Variants in NCAM1 observed in about 807,000 individuals in gnomAD.
NCAM1 encodes the protein antigen recognized by monoclonal antibody 5.1H11.
NCAM1 carries 14 observed loss-of-function variants against 109.8 expected under a neutral mutation model. The observed-to-expected ratio is 0.13, with a 90% confidence interval of 0.08 to 0.20. NCAM1 has a LOEUF of 0.20. Among genes scored for constraint, NCAM1 ranks in the 10% least tolerant of loss-of-function variants. The probability of loss-of-function intolerance (pLI) is 1.00; values close to 1 mark genes in which losing one functional copy is unlikely to be tolerated. For missense variants in NCAM1, 774 were observed against 1,109.9 expected (o/e 0.70, Z 4.30); for synonymous variants, 418 against 442.9 (o/e 0.94, Z 0.70).
intron 1 of NCAM1, among the ~76,000 whole-genome samples, chr11:113,051,561 CT>C (rs1460755022): frequency 6.6e-6 from 1 of 152,070 alleles, no homozygotes; most frequent in African/African-American, 2.4e-5. Context: ...ATTTTGGTGT[CT>C]ATCCTTCACG....
rs1184282381 is a variant in NCAM1 at position 113,270,228 on chromosome 11, C to T, written c.2172C>T (p.Ile724=). The T allele has an allele frequency of 5.6e-6, 9 of 1,613,924 alleles. No individual in the cohort carries two copies. The highest frequency in any genetic ancestry group is 2.7e-5 in the African/African-American group (2 of 74,938). ...CCTCAGGCCTGAGCACCGGGGCCAT[C>T]GTGGGCATCCTCATCGTCATCTTCG... is the stretch of plus-strand genomic sequence containing the variant. The part of the protein sequence containing the change: ...SPTSGLSTGA[I]VGILIVIFVL... The change falls in exon 18 of 20, where the codon ATC becomes ATT. Residue 724 remains isoleucine, a synonymous_variant. Transcript: ENST00000316851.
At chr11:113,204,044 A>G (rs552903774) in intron 2 of NCAM1, among the ~76,000 whole-genome samples, 2 of 152,348 alleles carry the variant, frequency 1.3e-5, no homozygotes, top group African/African-American at 4.8e-5. Flanking sequence ...GATAACAACT[A>G]GTACAAGTGG....
intron 1 of NCAM1, among the ~76,000 whole-genome samples, chr11:113,022,268 T>C (rs1182511894): frequency 6.6e-6 from 1 of 152,232 alleles, no homozygotes; most frequent in African/African-American, 2.4e-5. Context: ...TTCTCAGAGA[T>C]AAATGTTTTG....
At chr11:112,965,226 T>C (rs1279851666) in intron 1 of NCAM1, among the ~76,000 whole-genome samples, 1 of 151,574 alleles carries the variant, frequency 6.6e-6, no homozygotes, top group Non-Finnish European at 1.5e-5. Flanking sequence ...AGTTCAAGAA[T>C]TAAGATAGTA....
chr11:113,180,326 A>G (rs1555107747), intron 1 of NCAM1, among the ~76,000 whole-genome samples: 2 of 152,222 alleles, frequency 1.3e-5, no homozygotes, highest in African/African-American at 2.4e-5. Flanking sequence ...TTAGCGCTAC[A>G]GGGGTATTGA....
intron 1 of NCAM1, among the ~76,000 whole-genome samples, chr11:113,014,359 A>G (rs2155289): frequency 0.19 from 28,525 of 151,926 alleles, 3,018 homozygotes; most frequent in East Asian, 0.27. Flanking sequence ...TTAGTCCTGC[A>G]GAGGGCCAGG....
chr11:113,116,494 A>G (rs567109441), intron 1 of NCAM1, among the ~76,000 whole-genome samples: 4 of 152,376 alleles, frequency 2.6e-5, no homozygotes, highest in Middle Eastern at 3.4e-3. Context: ...TTCAGCTGGC[A>G]CATATTTTCA....
At chr11:113,270,642 G>A in intron 18 of NCAM1, 1 of 535,814 alleles carries the variant, frequency 1.9e-6, no homozygotes, top group East Asian at 3.2e-5. Flanking sequence ...TCCCCAGAGT[G>A]TGAAAATCCC....
chr11:113,198,464 C>T (rs1028523602), intron 1 of NCAM1, among the ~76,000 whole-genome samples: 5 of 151,952 alleles, frequency 3.3e-5, no homozygotes, highest in East Asian at 1.9e-4. Context: ...CTCCACCTCC[C>T]GGGTTCAAGC....
chr11:113,001,124 G>T (rs976874183), intron 1 of NCAM1, among the ~76,000 whole-genome samples: 1 of 152,062 alleles, frequency 6.6e-6, no homozygotes, highest in Non-Finnish European at 1.5e-5. Context: ...TGTGTGACCT[G>T]CACTTTTTGG....
chr11:113,048,263 G>A (rs12575544), intron 1 of NCAM1, among the ~76,000 whole-genome samples: 41,866 of 152,060 alleles, frequency 0.28, 6,508 homozygotes, highest in East Asian at 0.62. Flanking sequence ...TGACAGAAAC[G>A]TTGAAAACTT....
intron 9 of NCAM1, 117 bp downstream of exon 9, chr11:113,221,442 G>C: frequency 9.4e-7 from 1 of 1,061,138 alleles, no homozygotes. Context: ...CTAAAGAATA[G>C]GTCGATAGTG....
At chr11:113,202,324 C>T in intron 1 of NCAM1, 55 bp from the exon 2 acceptor site, 1 of 1,384,736 alleles carries the variant, frequency 7.2e-7, no homozygotes, top group Non-Finnish European at 9.9e-7. Flanking sequence ...TTGAACTGAA[C>T]TTTGTGGGTT....
At chr11:113,255,799 G>T in intron 15 of NCAM1, 78 bp from the exon 16 acceptor site, 1 of 1,528,266 alleles carries the variant, frequency 6.5e-7, no homozygotes, top group South Asian at 1.2e-5. Context: ...GCCCCACCCT[G>T]TCACTCCATC....
At chr11:113,002,913 A>G (rs1951794346) in intron 1 of NCAM1, among the ~76,000 whole-genome samples, 2 of 152,262 alleles carry the variant, frequency 1.3e-5, no homozygotes, top group Non-Finnish European at 2.9e-5. Context: ...CATTGAGAGA[A>G]AAGCAAAAAT....
rs1268419371 is a variant in NCAM1, at chr11:113,233,692, C to T, written c.1693+375C>T. On this transcript the variant is annotated intron_variant, in intron 13 of 19. Coordinates refer to ENST00000316851, the MANE Select transcript of NCAM1 (RefSeq NM_181351.5). This position sits in a 1 kb window ranked among gnomAD's most constrained non-coding sequence, Gnocchi z 4.5. Reference sequence around the variant, plus strand: ...GTGCTGCAGGTTCTCTGCCGACACCCGGCCAGTCCTGCTTGGATATCTGTA... The same window carrying T: ...GTGCTGCAGGTTCTCTGCCGACACCTGGCCAGTCCTGCTTGGATATCTGTA... Among the ~76,000 whole-genome samples, 1 of 152,178 alleles carries T rather than the reference C, an allele frequency of 6.6e-6. No homozygotes were observed. The highest frequency in any genetic ancestry group is 2.1e-4 in the South Asian group (1 of 4,828).
At chr11:112,996,013 G>C (rs1951586915) in intron 1 of NCAM1, among the ~76,000 whole-genome samples, 1 of 152,166 alleles carries the variant, frequency 6.6e-6, no homozygotes, top group South Asian at 2.1e-4. Flanking sequence ...ATTTGTACCT[G>C]AGGACCTGTC....
intron 9 of NCAM1, among the ~76,000 whole-genome samples, chr11:113,226,916 G>T (rs1555116346): frequency 6.6e-6 from 1 of 152,204 alleles, no homozygotes; most frequent in Non-Finnish European, 1.5e-5. Flanking sequence ...GAATCTCTGG[G>T]AGACATTTAA....
rs1345278403 is a variant in NCAM1, at chr11:112,964,144, TTTTTTTTTTTG to T, written c.52+2492_52+2502del. 4.3e-3 allele frequency among the ~76,000 whole-genome samples: 58 copies of T among 13,550 alleles called. No homozygotes were observed. In the South Asian group the frequency reaches 0.049, roughly 11 times the overall value. The allele number at this position is 13,550 out of a possible 152,430, so 8.9% of individuals were successfully genotyped here. A position where few individuals can be genotyped will look rare whatever the true frequency, so the allele number is the denominator to read the frequency against. On this transcript the variant is annotated intron_variant, in intron 1 of 19. Transcript: ENST00000316851. The stretch of plus-strand genomic sequence containing the variant: ...TATATCTGAGGTTTTTTTTTTGTTT[TTTTTTTTTTTG>T]TTTTTTTTTTGGACTCAAATGTAGC...
Sources: allele counts gnomAD v4.1 joint callset (sites outside exome capture counted in the v4.1 genomes callset), GRCh38; gene constraint gnomAD v4.1.1; non-coding constraint Gnocchi (gnomAD v3.1); transcripts MANE v1.5; gene names NCBI Gene and HGNC (gene_info 2026-07-23, HGNC 2026-07-21).